The following PPM1E variants were observed in gnomAD, a reference collection of about 807,000 sequenced individuals.
PPM1E encodes the protein protein phosphatase 1E.
Under a neutral mutation model 65.9 loss-of-function variants are expected in PPM1E, and 20 were observed. That is an observed-to-expected ratio of 0.30 (90% CI 0.21 to 0.44). PPM1E has a LOEUF of 0.44. Among genes scored for constraint, PPM1E ranks in the 20% least tolerant of loss-of-function variants. PPM1E has a pLI of 1.00. For synonymous variants in PPM1E, 352 were observed against 374.9 expected, an observed-to-expected ratio of 0.94 and a Z score of 0.70; for missense variants, 713 against 953.1, an observed-to-expected ratio of 0.75 and a Z score of 3.32.
intron 3 of PPM1E, 69 bp from the exon 4 acceptor site, chr17:58,969,465 TGATGC>T: frequency 7.0e-7 from 1 of 1,424,554 alleles, no homozygotes; most frequent in African/African-American, 1.4e-5. Context: ...TGGGCAACAA[TGATGC>T]CAGGAGATTG....
At position 58,785,482 on chromosome 17, in the gene PPM1E, A is replaced by G. The variant is rs1206930002; in HGVS notation, c.464+29021A>G. ...TTTATATATATATATATATATATAT[A>G]TATATATAGTAGAACCAGGATCTCT... On this transcript the variant is annotated intron_variant, in intron 1 of 6. Coordinates refer to ENST00000308249, the MANE Select transcript of PPM1E (RefSeq NM_014906.5). 9.5e-5 allele frequency: 13 copies of G among 136,188 alleles called. 1 individual carries two copies. The highest frequency in any genetic ancestry group is 3.4e-4 in the African/African-American group (12 of 35,754). The allele number at this position is 136,188 out of a possible 1,614,324, so 8.4% of individuals were successfully genotyped here. A position where few individuals can be genotyped will look rare whatever the true frequency, so the allele number is the denominator to read the frequency against.
chr17:58,852,160 T>A (rs930539782), intron 1 of PPM1E, among the ~76,000 whole-genome samples: 6 of 152,102 alleles, frequency 3.9e-5, no homozygotes, highest in African/African-American at 1.4e-4. Flanking sequence ...GTGACCTGAT[T>A]TTCCAGGTAC....
intron 1 of PPM1E, among the ~76,000 whole-genome samples, chr17:58,865,559 G>A (rs1398706311): frequency 6.6e-6 from 1 of 152,048 alleles, no homozygotes; most frequent in Non-Finnish European, 1.5e-5. Flanking sequence ...AATTCACCAG[G>A]TATGATGGTG....
In PPM1E at chr17:58,758,501, C is replaced by T. The variant is rs547959849; in HGVS notation, c.464+2040C>T. On this transcript the variant is annotated intron_variant, in intron 1 of 6. Coordinates refer to ENST00000308249, the MANE Select transcript of PPM1E (RefSeq NM_014906.5). ...TGAGATTGTGCCAGTGCACTCCAGC[C>T]TGGGTGACAGAGCAAGACTCCGTCT... Among the ~76,000 whole-genome samples the T allele has an allele frequency of 1.4e-4, 21 of 148,030 alleles. No homozygotes were observed. The East Asian group carries it at 4.0e-3, about 28-fold the overall frequency.
intron 1 of PPM1E, among the ~76,000 whole-genome samples, chr17:58,818,343 T>C (rs2143127187): frequency 6.6e-6 from 1 of 152,276 alleles, no homozygotes; most frequent in Admixed American, 6.5e-5. Context: ...AAGTAACAAG[T>C]AGTAGATTTA....
intron 1 of PPM1E, among the ~76,000 whole-genome samples, chr17:58,909,198 G>GT (rs1227969423): frequency 6.6e-6 from 1 of 151,772 alleles, no homozygotes; most frequent in Non-Finnish European, 1.5e-5. Context: ...AATTTCCTCA[G>GT]TTTTTTTGTT....
chr17:58,978,619 G>A (rs920772471), intron 6 of PPM1E, among the ~76,000 whole-genome samples: 2 of 152,162 alleles, frequency 1.3e-5, no homozygotes, highest in Non-Finnish European at 2.9e-5. Context: ...GCGGAGGCAG[G>A]AGAATTGCTG....
chr17:58,895,893 C>T (rs890247389), intron 1 of PPM1E, among the ~76,000 whole-genome samples: 4 of 147,932 alleles, frequency 2.7e-5, no homozygotes, highest in African/African-American at 1.0e-4. Context: ...ATCACGAGGT[C>T]AGGAGATCGA....
intron 1 of PPM1E, among the ~76,000 whole-genome samples, chr17:58,770,283 A>T (rs1275189249): frequency 6.6e-6 from 1 of 152,172 alleles, no homozygotes; most frequent in East Asian, 1.9e-4. Flanking sequence ...TAAGTATAAT[A>T]TTAAGGTAAA....
At chr17:58,961,051 CT>C (rs1457372095) in intron 2 of PPM1E, among the ~76,000 whole-genome samples, 1 of 151,994 alleles carries the variant, frequency 6.6e-6, no homozygotes, top group African/African-American at 2.4e-5. Flanking sequence ...GAAAGTTCAT[CT>C]GGAAAAATAA....
At chr17:58,959,184 C>T (rs565686394) in intron 2 of PPM1E, among the ~76,000 whole-genome samples, 11 of 151,840 alleles carry the variant, frequency 7.2e-5, no homozygotes, top group African/African-American at 2.2e-4. Flanking sequence ...TGGCGTACAC[C>T]TGTAGTCCCA....
At chr17:58,916,315 T>C (rs1002175693) in intron 1 of PPM1E, among the ~76,000 whole-genome samples, 2 of 152,118 alleles carry the variant, frequency 1.3e-5, no homozygotes, top group Non-Finnish European at 2.9e-5. Flanking sequence ...TAGAAAGTAA[T>C]AGGATAGAGG....
chr17:58,906,286 C>G (rs1396516109), intron 1 of PPM1E, among the ~76,000 whole-genome samples: 1 of 152,080 alleles, frequency 6.6e-6, no homozygotes, highest in Non-Finnish European at 1.5e-5. Flanking sequence ...TTGACTCTTT[C>G]AAAGAACCAG....
At chr17:58,898,402 G>GA (rs2051452090) in intron 1 of PPM1E, among the ~76,000 whole-genome samples, 1 of 152,138 alleles carries the variant, frequency 6.6e-6, no homozygotes. Flanking sequence ...ACAGACACAT[G>GA]AAAAAATGCT....
At chr17:58,895,423 G>T (rs1424373702) in intron 1 of PPM1E, among the ~76,000 whole-genome samples, 1 of 152,156 alleles carries the variant, frequency 6.6e-6, no homozygotes, top group Non-Finnish European at 1.5e-5. Context: ...CAGGCCAAAT[G>T]CTAGGGCTCT....
intron 1 of PPM1E, among the ~76,000 whole-genome samples, chr17:58,917,913 A>T (rs1663111253): frequency 6.6e-6 from 1 of 152,096 alleles, no homozygotes; most frequent in African/African-American, 2.4e-5. Flanking sequence ...CTCTATTCTT[A>T]GTTGGAATTT....
At chr17:58,843,593 G>C (rs1177077830) in intron 1 of PPM1E, among the ~76,000 whole-genome samples, 1 of 151,900 alleles carries the variant, frequency 6.6e-6, no homozygotes, top group Admixed American at 6.6e-5. Context: ...GGGAGGCCGA[G>C]GCAAGCGGAT....
intron 1 of PPM1E, among the ~76,000 whole-genome samples, chr17:58,867,762 A>C (rs2051022060): frequency 6.6e-6 from 1 of 152,192 alleles, no homozygotes; most frequent in African/African-American, 2.4e-5. Flanking sequence ...TTTACCTTCT[A>C]ATTCTAAATA....
Position 58,959,911 on chromosome 17 carries a change from T to A in PPM1E, c.583+4144T>A, listed in dbSNP as rs936447189. 2.6e-5 allele frequency among the ~76,000 whole-genome samples: 4 copies of A among 152,308 alleles called. No individual in the cohort carries two copies. In the East Asian group the frequency reaches 7.7e-4, roughly 29 times the overall value. ...TAAAGAAGCCAAAAGAAACATTTGA[T>A]AAAATTTAATATCATTCCTAAATTT... On this transcript the variant is annotated intron_variant, in intron 2 of 6. Transcript: ENST00000308249.
Sources: allele counts gnomAD v4.1 joint callset (sites outside exome capture counted in the v4.1 genomes callset), GRCh38; gene constraint gnomAD v4.1.1; transcripts MANE v1.5; gene names NCBI Gene and HGNC (gene_info 2026-07-23, HGNC 2026-07-21).